Variants in MYH8 observed in about 807,000 individuals in gnomAD.
MYH8 encodes myosin-8.
Under a neutral mutation model 233.2 loss-of-function variants are expected in MYH8, and 168 were observed. The ratio of observed to expected loss-of-function variants is 0.72; its 90% CI spans 0.64 to 0.82. The LOEUF (loss-of-function observed/expected upper bound fraction) is 0.82. Ranked by LOEUF, MYH8 falls within the 40% of genes least tolerant of loss-of-function variation. The probability of loss-of-function intolerance (pLI) is 0.00; values close to 1 mark genes in which losing one functional copy is unlikely to be tolerated. For synonymous variants in MYH8, 785 were observed against 850.6 expected, an observed-to-expected ratio of 0.92 and a Z score of 1.34; for missense variants, 1,995 against 2,327.8, an observed-to-expected ratio of 0.86 and a Z score of 2.94.
rs1344616295 is a variant in MYH8, at chr17:10,419,661, T to G, written c.210+357A>C. 6.6e-6 allele frequency among the ~76,000 whole-genome samples: 1 copy of G among 152,172 alleles called. No individual in the cohort carries two copies. Among genetic ancestry groups the G allele is most frequent in the African/African-American group, 2.4e-5 (1 of 41,442 alleles). On this transcript the variant is annotated intron_variant, in intron 3 of 39. Coordinates refer to ENST00000403437, the MANE Select transcript of MYH8 (RefSeq NM_002472.3). The surrounding 1 kb of genome is among the most constrained non-coding windows in gnomAD (Gnocchi z 4.0). ...TTTTTCTTTCATTCATTAAGAAACT[T>G]CATGTTTTTGGAAGTAATGGGGATA... is the stretch of plus-strand genomic sequence containing the variant.
rs1469557941 is a variant in MYH8 at position 10,415,226 on chromosome 17, T to C, written c.742-47A>G. The C allele has an allele frequency of 3.1e-6, 5 of 1,603,236 alleles. No homozygotes were observed. Among genetic ancestry groups the C allele is most frequent in the African/African-American group, 1.3e-5 (1 of 74,622 alleles). On this transcript the variant is annotated intron_variant, in intron 8 of 39. Coordinates refer to ENST00000403437, the MANE Select transcript of MYH8 (RefSeq NM_002472.3). The surrounding 1 kb of genome is among the most constrained non-coding windows in gnomAD (Gnocchi z 4.1). ...TAGAAAACTGAAACACAAAGAGAGA[T>C]GCAAATGAAATAATAATTCAGACGT...
chr17:10,418,697 G>A lies in MYH8; in HGVS notation c.459C>T (p.Ala153=), dbSNP rs147460418. The A allele has an allele frequency of 2.5e-6, 4 of 1,613,760 alleles. No individual in the cohort carries two copies. The African/African-American group carries it at 5.3e-5, about 22-fold the overall frequency. Reference sequence around the variant, plus strand: ...CAGAGATGGAGAAGATGTGGGGCGGGGCCTCCTGGCGCTTTTTGCCTCTGT... The same window carrying A: ...CAGAGATGGAGAAGATGTGGGGCGGAGCCTCCTGGCGCTTTTTGCCTCTGT... ...AAYRGKKRQE[A]PPHIFSISDN... is the part of the protein sequence containing the mutation. Residue 153 remains alanine, a synonymous_variant, in exon 5 of 40, where the codon GCC becomes GCT. Coordinates refer to ENST00000403437, the MANE Select transcript of MYH8 (RefSeq NM_002472.3).
chr17:10,395,056 G>T, intron 34 of MYH8, 77 bp downstream of exon 34: 1 of 1,531,230 alleles, frequency 6.5e-7, no homozygotes, highest in Non-Finnish European at 9.0e-7. Context: ...AAAAAGGATC[G>T]TTTAACAAGG....
At chr17:10,399,017 T>TATATATAC (rs1555555769) in intron 28 of MYH8, 131 bp from the exon 29 acceptor site, 12 of 283,194 alleles carry the variant, frequency 4.2e-5, no homozygotes, top group African/African-American at 2.8e-4. Flanking sequence ...TATATATATA[T>TATATATAC]ACAAGTTGTA....
chr17:10,408,133 G>A (rs2072212114), intron 17 of MYH8, among the ~76,000 whole-genome samples: 1 of 151,838 alleles, frequency 6.6e-6, no homozygotes, highest in Non-Finnish European at 1.5e-5. Context: ...TAAAGATGGG[G>A]TTTCACCATA....
In MYH8 at chr17:10,395,413, A is replaced by G. The variant is rs781691482; in HGVS notation, c.4682T>C (p.Ile1561Thr). Reference protein sequence around the residue: ...EASLEHEEGKILRIQLELNQV... With the variant: ...EASLEHEEGKTLRIQLELNQV... ...GTTTAACTCAAGCTGGATACGCAGA[A>G]TCTTTCCTTCTTCATGTTCAAGAGA... The change falls in exon 34 of 40, where the codon ATT (isoleucine) becomes ACT (threonine). Residue 1561 changes from isoleucine to threonine, a missense_variant. By Grantham distance (89) the Ile-to-Thr change is moderately conservative (BLOSUM62 -1). Coordinates refer to ENST00000403437, the MANE Select transcript of MYH8 (RefSeq NM_002472.3). 1 of 1,614,054 alleles carries G rather than the reference A, an allele frequency of 6.2e-7. No individual in the cohort carries two copies. Among genetic ancestry groups the G allele is most frequent in the East Asian group, 2.2e-5 (1 of 44,900 alleles).
At position 10,394,285 on chromosome 17, in the gene MYH8, C is replaced by G. The variant is rs552003711; in HGVS notation, c.5130G>C (p.Leu1710=). The change falls in exon 35 of 40, where the codon CTG becomes CTC. Residue 1710 remains leucine (L), a synonymous_variant. Coordinates refer to ENST00000403437, the MANE Select transcript of MYH8 (RefSeq NM_002472.3). The part of the protein sequence containing the change: ...RSRKIAEQEL[L]DASERVQLLH... The stretch of plus-strand genomic sequence containing the variant: ...GGAGCTGGACACGCTCACTGGCATC[C>G]AGGAGCTCCTGTTCGGCGATTTTCC... The G allele has an allele frequency of 4.3e-5, 70 of 1,613,970 alleles. No homozygotes were observed. The South Asian group carries it at 7.5e-4, about 17-fold the overall frequency.
chr17:10,408,029 C>T (rs1192273990), intron 17 of MYH8, among the ~76,000 whole-genome samples: 2 of 151,274 alleles, frequency 1.3e-5, no homozygotes, highest in South Asian at 2.1e-4. Flanking sequence ...CAACCTCTAC[C>T]TCCTGGGTGC....
intron 22 of MYH8, 40 bp downstream of exon 22, chr17:10,404,289 AG>A (rs757244055): frequency 6.2e-7 from 1 of 1,613,220 alleles, no homozygotes; most frequent in Non-Finnish European, 8.5e-7. Context: ...GTTTCAAAAA[AG>A]CTTCAGTAAC....
At chr17:10,414,519 G>T (rs376503702) in intron 9 of MYH8, 35 bp from the exon 10 acceptor site, 5 of 1,379,262 alleles carry the variant, frequency 3.6e-6, no homozygotes, top group Non-Finnish European at 4.1e-6. Context: ...TTTGAAAAAA[G>T]TATCAATGCT....
In MYH8 at chr17:10,406,896, A is replaced by G. The variant is rs745921107; in HGVS notation, c.2049T>C (p.Thr683=). Residue 683 remains threonine, a synonymous_variant, in exon 18 of 40, where the codon ACT becomes ACC. Coordinates refer to ENST00000403437, the MANE Select transcript of MYH8 (RefSeq NM_002472.3). ...VRCIIPNETK[T]PGAMEHELVL... ...ATTTCACTCTCTGTGTCTTACCAGG[A>G]GTTTTGGTTTCATTGGGAATGATAC... The G allele has an allele frequency of 6.2e-6, 10 of 1,613,794 alleles. No individual in the cohort carries two copies. The highest frequency in any genetic ancestry group is 8.5e-6 in the Non-Finnish European group (10 of 1,179,768).
In MYH8 at chr17:10,400,619, T is replaced by G; in HGVS notation, c.3506A>C (p.Lys1169Thr). ...CAGTTTCTGAAACTCAGCCTCCCGC[T>G]TCTTGTTCAATTCCACCTGAGCAGA... is the stretch of plus-strand genomic sequence containing the variant. ...ATSAQVELNKKREAEFQKLRR... is the reference protein window; with the variant it reads ...ATSAQVELNKTREAEFQKLRR... The change falls in exon 27 of 40, where the codon AAG (lysine) becomes ACG (threonine). Residue 1169 changes from lysine to threonine, a missense_variant. This residue lies in a region of MYH8 where 1,498 missense variants were observed against 1,680.9 expected (regional missense o/e 0.89). Coordinates refer to ENST00000403437, the MANE Select transcript of MYH8 (RefSeq NM_002472.3). The surrounding 1 kb of genome is among the most constrained non-coding windows in gnomAD (Gnocchi z 4.0). The G allele has an allele frequency of 1.2e-6, 2 of 1,614,220 alleles. No individual in the cohort carries two copies. Among genetic ancestry groups the G allele is most frequent in the Middle Eastern group, 1.6e-4 (1 of 6,062 alleles).
rs146049668 is a variant in MYH8, at chr17:10,407,654, C to T, written c.1966-675G>A. On this transcript the variant is annotated intron_variant, in intron 17 of 39. Transcript: ENST00000403437. The stretch of plus-strand genomic sequence containing the variant: ...AGGAGTTCGAGACCAGCCTGGGCAA[C>T]GTAGTGAAACCCCATCTCTACTAAA... 4.4e-3 allele frequency among the ~76,000 whole-genome samples: 674 copies of T among 151,986 alleles called. 8 individuals are homozygous for T. Among genetic ancestry groups the T allele is most frequent in the Middle Eastern group, 0.027 (8 of 294 alleles).
At position 10,391,896 on chromosome 17, in the gene MYH8, G is replaced by T; in HGVS notation, c.5650C>A (p.Gln1884Lys). 1 of 1,613,788 alleles carries T rather than the reference G, an allele frequency of 6.2e-7. No homozygotes were observed. The highest frequency in any genetic ancestry group is 8.5e-7 in the Non-Finnish European group (1 of 1,179,746). Residue 1884 changes from glutamine to lysine, a missense_variant, in exon 39 of 40, where the codon CAA (glutamine) becomes AAA (lysine). Physicochemically the swap from Gln to Lys is moderately conservative, Grantham distance 53. Around this residue, in one of 3 missense-constraint regions of MYH8, gnomAD observed 1,498 missense variants for 1,680.9 expected, o/e 0.89. Coordinates refer to ENST00000403437, the MANE Select transcript of MYH8 (RefSeq NM_002472.3). ...AAGATACTTACAGCCTCCTCAGCTT[G>T]TCTCTTGTATGATTTCACCTTCGCC... Reference protein sequence around the residue: ...LQAKVKSYKRQAEEAEEQSNA... With the variant: ...LQAKVKSYKRKAEEAEEQSNA...
rs2072061187 is a variant in MYH8, at chr17:10,394,418, C to G, written c.4997G>C (p.Gly1666Ala). The change falls in exon 35 of 40, where the codon GGC becomes GCC. Residue 1666 changes from glycine to alanine, a missense_variant. Physicochemically the swap from Gly to Ala is moderately conservative, Grantham distance 60. Transcript: ENST00000403437. ...TQLHLDDALR[G>A]QEDLKEQLAI... is the part of the protein sequence containing the mutation. ...CAGCTGTTCCTTGAGGTCCTCCTGG[C>G]CCCGGAGAGCATCATCCAGGTGGAG... 1.2e-6 allele frequency: 2 copies of G among 1,613,998 alleles called. No homozygotes were observed. The highest frequency in any genetic ancestry group is 2.7e-5 in the African/African-American group (2 of 74,900).
chr17:10,406,657 C>T (rs2072196732), intron 19 of MYH8, 33 bp downstream of exon 19: 1 of 1,555,992 alleles, frequency 6.4e-7, no homozygotes, highest in Non-Finnish European at 8.9e-7. Context: ...TACTAATTCA[C>T]AGTGTTAATG....
chr17:10,409,132 C>T lies in MYH8; in HGVS notation c.1930G>A (p.Gly644Ser), dbSNP rs1236963519. 6.2e-7 allele frequency: 1 copy of T among 1,614,092 alleles called. No homozygotes were observed. Among genetic ancestry groups the T allele is most frequent in the South Asian group, 1.1e-5 (1 of 91,076 alleles). Residue 644 changes from glycine (G) to serine (S), a missense_variant, in exon 17 of 40, where the codon GGC (glycine) becomes AGC (serine). Coordinates refer to ENST00000403437, the MANE Select transcript of MYH8 (RefSeq NM_002472.3). Reference sequence around the variant, plus strand: ...GCAGACACAGTCTGGAAAGAAGAGCCCTTTTTCTTAGCACCTTTCTTCGCG... The same window carrying T: ...GCAGACACAGTCTGGAAAGAAGAGCTCTTTTTCTTAGCACCTTTCTTCGCG... ...SSAKKGAKKK[G>S]SSFQTVSALF...
In MYH8 at chr17:10,419,838, TG is replaced by T. The variant is rs1334723477; in HGVS notation, c.210+179del. ...AGTGGGGTGAGGTCCTGTGCGAAGTTGGGAAGGGAAGACATGAAGGTACTGC... is the reference window on the plus strand; with the variant it reads ...AGTGGGGTGAGGTCCTGTGCGAAGTTGGAAGGGAAGACATGAAGGTACTGC... On this transcript the variant is annotated intron_variant, in intron 3 of 39. Transcript: ENST00000403437. The surrounding 1 kb of genome is among the most constrained non-coding windows in gnomAD (Gnocchi z 4.0). 6.6e-6 allele frequency among the ~76,000 whole-genome samples: 1 copy of T among 152,166 alleles called. No individual in the cohort carries two copies. Among genetic ancestry groups the T allele is most frequent in the African/African-American group, 2.4e-5 (1 of 41,426 alleles).
At position 10,400,244 on chromosome 17, in the gene MYH8, AT is replaced by A. The variant is rs2072123859; in HGVS notation, c.3735+145del. ...ATCATCTTAATCGATCATAACCAGC[AT>A]TTTAAAAAATACCATAGAATGGGAT... On this transcript the variant is annotated intron_variant, in intron 27 of 39. Transcript: ENST00000403437. This position sits in a 1 kb window ranked among gnomAD's most constrained non-coding sequence, Gnocchi z 4.0. 2 of 1,161,762 alleles carry A rather than the reference AT, an allele frequency of 1.7e-6. No homozygotes were observed. The highest frequency in any genetic ancestry group is 1.8e-5 in the Admixed American group (1 of 56,894). The allele number at this position is 1,161,762 out of a possible 1,614,324, so 72.0% of individuals were successfully genotyped here.
Sources: allele counts gnomAD v4.1 joint callset (sites outside exome capture counted in the v4.1 genomes callset), GRCh38; gene constraint gnomAD v4.1.1; regional missense constraint gnomAD v4.1.1; non-coding constraint Gnocchi (gnomAD v3.1); transcripts MANE v1.5; gene names NCBI Gene and HGNC (gene_info 2026-07-23, HGNC 2026-07-21).